XPR1: variants seen among roughly 807,000 people sequenced by gnomAD.
The protein encoded by XPR1 is xenotropic and polytropic retrovirus receptor 1, also known as solute carrier family 53 member 1.
In XPR1, 28 loss-of-function variants were observed where a neutral mutation model predicts 87.5. The ratio of observed to expected loss-of-function variants is 0.32; its 90% CI spans 0.24 to 0.44. XPR1 has a LOEUF of 0.44. Ranked by LOEUF, XPR1 falls within the 20% of genes least tolerant of loss-of-function variation. XPR1 has a pLI of 1.00. For missense variants in XPR1, 559 were observed against 862.3 expected (o/e 0.65, Z 4.41); for synonymous variants, 300 against 306.1 (o/e 0.98, Z 0.21).
intron 2 of XPR1, among the ~76,000 whole-genome samples, chr1:180,715,405 G>A (rs1016773549): frequency 3.9e-5 from 6 of 152,284 alleles, no homozygotes; most frequent in African/African-American, 1.4e-4. Flanking sequence ...GAATGGATAA[G>A]GATCTTAGAG....
intron 1 of XPR1, among the ~76,000 whole-genome samples, chr1:180,672,540 CT>C (rs1377881391): frequency 4.6e-5 from 7 of 152,024 alleles, no homozygotes; most frequent in African/African-American, 1.7e-4. Flanking sequence ...GCTGGATGTC[CT>C]CTTTTGAGGT....
Position 180,834,878 on chromosome 1 carries a change from G to T in XPR1, c.1139G>T (p.Arg380Leu). Residue 380 changes from arginine (R) to leucine (L), a missense_variant, in exon 10 of 15, where the codon CGA (arginine) becomes CTA (leucine). Physicochemically the swap from Arg to Leu is moderately radical, Grantham distance 102 (BLOSUM62 -2). Around this residue, in one of 7 missense-constraint regions of XPR1, gnomAD observed 264 missense variants for 377.2 expected, o/e 0.70. Coordinates refer to ENST00000367590, the MANE Select transcript of XPR1 (RefSeq NM_004736.4). ...SRFWLLKLLF[R>L]VFTAPFHKVG... is the part of the protein sequence containing the mutation. ...CTGATTTTTTTTTTCTTTCAGTTTC[G>T]AGTATTTACAGCCCCCTTCCATAAG... 1.3e-6 allele frequency: 2 copies of T among 1,588,338 alleles called. No individual in the cohort carries two copies. Among genetic ancestry groups the T allele is most frequent in the African/African-American group, 1.4e-5 (1 of 73,064 alleles).
In XPR1 at chr1:180,824,612, A is replaced by G. The variant is rs535443313; in HGVS notation, c.764-141A>G. The G allele has an allele frequency of 9.7e-5, 67 of 691,800 alleles. No individual in the cohort carries two copies. The South Asian group carries it at 1.3e-3, about 14-fold the overall frequency. The allele number at this position is 691,800 out of a possible 1,614,324, so 42.9% of individuals were successfully genotyped here. ...AATAGGTAGATAGATAGATAGATAG[A>G]TGATAGATAATCTAGGTTTAGGTTT... On this transcript the variant is annotated intron_variant, in intron 7 of 14. Coordinates refer to ENST00000367590, the MANE Select transcript of XPR1 (RefSeq NM_004736.4).
intron 2 of XPR1, among the ~76,000 whole-genome samples, chr1:180,709,485 CTGAT>C (rs60989265): frequency 0.043 from 6,510 of 152,220 alleles, 487 homozygotes; most frequent in African/African-American, 0.15. Flanking sequence ...CAGTCAAACA[CTGAT>C]TGGCTTTCTT....
intron 13 of XPR1, among the ~76,000 whole-genome samples, chr1:180,878,743 C>G (rs1257514120): frequency 6.6e-6 from 1 of 152,202 alleles, no homozygotes; most frequent in Non-Finnish European, 1.5e-5. Flanking sequence ...ACTTATTTAC[C>G]TTACTTTACT....
intron 2 of XPR1, among the ~76,000 whole-genome samples, chr1:180,777,273 C>T (rs930040311): frequency 4.6e-5 from 7 of 152,158 alleles, no homozygotes; most frequent in African/African-American, 9.7e-5. Context: ...TACTGTACTA[C>T]GTCTCACTGG....
chr1:180,704,137 C>T (rs1413220122), intron 2 of XPR1, among the ~76,000 whole-genome samples: 2 of 150,308 alleles, frequency 1.3e-5, no homozygotes, highest in African/African-American at 4.9e-5. Flanking sequence ...AGCATAGTTT[C>T]TGTTCTCTTT....
At position 180,682,833 on chromosome 1, in the gene XPR1, C is replaced by CGT. The variant is rs571473950; in HGVS notation, c.121+441_121+442dup. The stretch of plus-strand genomic sequence containing the variant: ...TTTACAATGGATGTGTGTGTGTGTG[C>CGT]GTGTGTGTGTGTGTGTGTGTAAGCA... On this transcript the variant is annotated intron_variant, in intron 2 of 14. Coordinates refer to ENST00000367590, the MANE Select transcript of XPR1 (RefSeq NM_004736.4). 3.4e-3 allele frequency among the ~76,000 whole-genome samples: 497 copies of CGT among 146,204 alleles called. 2 individuals carry two copies. The highest frequency in any genetic ancestry group is 5.6e-3 in the East Asian group (28 of 4,994).
At chr1:180,659,083 C>T (rs1012247655) in intron 1 of XPR1, among the ~76,000 whole-genome samples, 2 of 151,310 alleles carry the variant, frequency 1.3e-5, no homozygotes, top group Non-Finnish European at 2.9e-5. Context: ...TTCCTTCCTT[C>T]CTTCCTTCCT....
chr1:180,680,206 CGACAAAA>C (rs1169672256), intron 1 of XPR1, among the ~76,000 whole-genome samples: 1 of 150,956 alleles, frequency 6.6e-6, no homozygotes, highest in African/African-American at 2.4e-5. Context: ...GTTATCAAAA[CGACAAAA>C]AACAAAACAA....
intron 12 of XPR1, among the ~76,000 whole-genome samples, chr1:180,873,343 G>GC (rs747678577): frequency 3.3e-5 from 5 of 152,110 alleles, no homozygotes; most frequent in Non-Finnish European, 5.9e-5. Flanking sequence ...AAAAAGCAAG[G>GC]CAAAACTTTC....
At chr1:180,859,638 A>G (rs1167862548) in intron 11 of XPR1, among the ~76,000 whole-genome samples, 1 of 152,194 alleles carries the variant, frequency 6.6e-6, no homozygotes, top group Non-Finnish European at 1.5e-5. Context: ...TAGCATTTGT[A>G]GACCAAGTGT....
intron 1 of XPR1, among the ~76,000 whole-genome samples, chr1:180,672,505 T>C (rs1211678400): frequency 6.6e-6 from 1 of 152,208 alleles, no homozygotes; most frequent in African/African-American, 2.4e-5. Flanking sequence ...AGTATGTTGA[T>C]TCTTTGTATA....
chr1:180,757,184 A>G (rs143085405), intron 2 of XPR1, among the ~76,000 whole-genome samples: 291 of 152,288 alleles, frequency 1.9e-3, no homozygotes, highest in African/African-American at 6.0e-3. Flanking sequence ...AATTTAATCT[A>G]TCTTTCAAAG....
chr1:180,821,083 T>C (rs953641213), intron 7 of XPR1, among the ~76,000 whole-genome samples: 1 of 152,220 alleles, frequency 6.6e-6, no homozygotes, highest in African/African-American at 2.4e-5. Context: ...GTTTTTCCTT[T>C]TGTTTCATGT....
In XPR1 at chr1:180,889,452, G is replaced by A. The variant is rs1042369269; in HGVS notation, c.*5386G>A. ...TAGAAAGTTGTGGACTTCTAAGAAAGAGCCAGGCTTCCATCTCACTATCCC... is the reference window on the plus strand; with the variant it reads ...TAGAAAGTTGTGGACTTCTAAGAAAAAGCCAGGCTTCCATCTCACTATCCC... On this transcript the variant is annotated 3_prime_UTR_variant, in exon 15 of 15. Transcript: ENST00000367590. 2.0e-5 allele frequency: 3 copies of A among 152,228 alleles called. No homozygotes were observed. The highest frequency in any genetic ancestry group is 2.9e-5 in the Non-Finnish European group (2 of 68,048). 9.4% of individuals were successfully genotyped at this position (152,228 alleles called of 1,614,324 possible). A position where few individuals can be genotyped will look rare whatever the true frequency, so the allele number is the denominator to read the frequency against.
chr1:180,799,451 T>C (rs1249109565), intron 3 of XPR1, among the ~76,000 whole-genome samples: 1 of 152,180 alleles, frequency 6.6e-6, no homozygotes, highest in Non-Finnish European at 1.5e-5. Context: ...TATTTCTGGG[T>C]ATATAGTAAA....
At chr1:180,655,742 A>G (rs1309550575) in intron 1 of XPR1, among the ~76,000 whole-genome samples, 1 of 151,568 alleles carries the variant, frequency 6.6e-6, no homozygotes, top group African/African-American at 2.4e-5. Context: ...TAGGTCTTTT[A>G]TCCTTTTTGA....
At position 180,890,009 on chromosome 1, in the gene XPR1, G is replaced by A. The variant is rs1300816974; in HGVS notation, c.*5943G>A. On this transcript the variant is annotated 3_prime_UTR_variant, in exon 15 of 15. Transcript: ENST00000367590. ...ATTGATGCTTGCTTGGACTCATGTT[G>A]TATCTGTGACTATGCTATTAGCTGT... is the stretch of plus-strand genomic sequence containing the variant. The A allele has an allele frequency of 6.6e-6, 1 of 152,152 alleles. No homozygotes were observed. Among genetic ancestry groups the A allele is most frequent in the African/African-American group, 2.4e-5 (1 of 41,420 alleles). 9.4% of individuals were successfully genotyped at this position (152,152 alleles called of 1,614,324 possible).
Sources: gnomAD v4.1 joint callset for allele counts (sites outside exome capture counted in the v4.1 genomes callset) on GRCh38, gnomAD v4.1.1 for gene constraint, gnomAD v4.1.1 regional missense constraint, MANE v1.5 for transcripts, NCBI Gene and HGNC (gene_info 2026-07-23, HGNC 2026-07-21) for gene names.